The following GALK2 variants were observed in gnomAD, a reference collection of about 807,000 sequenced individuals.
GALK2 encodes the protein galactokinase 2.
GALK2 carries 36 observed loss-of-function variants against 52.4 expected under a neutral mutation model. That is an observed-to-expected ratio of 0.69 (90% confidence interval 0.53 to 0.91). The LOEUF is 0.91. Among genes scored for constraint, GALK2 ranks in the 40% least tolerant of loss-of-function variants. The probability of loss-of-function intolerance (pLI) is 0.00; values close to 1 mark genes in which losing one functional copy is unlikely to be tolerated. For missense variants in GALK2, 579 were observed against 559.1 expected, an observed-to-expected ratio of 1.04 and a Z score of -0.36; for synonymous variants, 176 against 199.1, an observed-to-expected ratio of 0.88 and a Z score of 0.98.
In GALK2 at chr15:49,359,385, T is replaced by G. The variant is rs1272728070; in HGVS notation, c.427-8106T>G. Among the ~76,000 whole-genome samples the G allele has an allele frequency of 2.5e-5, 3 of 118,556 alleles. 1 individual carries two copies. The highest frequency in any genetic ancestry group is 5.5e-5 in the Non-Finnish European group (3 of 54,182). 77.8% of individuals were successfully genotyped at this position (118,556 alleles called of 152,430 possible). ...AGAATCTACAATAAACTCAAACAAATTTACAAGAAAAAAACAAACAACCCC... is the reference window on the plus strand; with the variant it reads ...AGAATCTACAATAAACTCAAACAAAGTTACAAGAAAAAAACAAACAACCCC... On this transcript the variant is annotated intron_variant, in intron 3 of 3. Coordinates refer to the GALK2 transcript ENST00000558399.
chr15:49,283,751 T>G (rs2033023308), intron 7 of GALK2, 33 bp downstream of exon 7: 1 of 1,606,314 alleles, frequency 6.2e-7, no homozygotes, highest in East Asian at 2.2e-5. Context: ...AAACTTGAAG[T>G]AGGGTTTTTC....
In GALK2 at chr15:49,328,634, T is replaced by C; in HGVS notation, c.*475T>C. The C allele has an allele frequency of 3.8e-6, 6 of 1,580,716 alleles. No homozygotes were observed. The highest frequency in any genetic ancestry group is 1.7e-4 in the Middle Eastern group (1 of 6,014). ...ATGGTGATGATGATGATGATGACGATAGTGATGCCACACATTCTCTCTCAA... is the reference window on the plus strand; with the variant it reads ...ATGGTGATGATGATGATGATGACGACAGTGATGCCACACATTCTCTCTCAA... On this transcript the variant is annotated 3_prime_UTR_variant, in exon 10 of 10. Coordinates refer to ENST00000560031, the MANE Select transcript of GALK2 (RefSeq NM_002044.4).
intron 1 of GALK2, among the ~76,000 whole-genome samples, chr15:49,198,341 G>T (rs536479895): frequency 6.6e-6 from 1 of 152,284 alleles, no homozygotes; most frequent in South Asian, 2.1e-4. Context: ...CAGGAACTAA[G>T]ATACAATCAT....
At chr15:49,289,362 T>C (rs2033702817) in intron 7 of GALK2, among the ~76,000 whole-genome samples, 1 of 152,138 alleles carries the variant, frequency 6.6e-6, no homozygotes, top group Admixed American at 6.5e-5. Context: ...ATTGATAGGT[T>C]TTGAGAAGGC....
At chr15:49,221,239 G>A (rs1021477246) in intron 3 of GALK2, among the ~76,000 whole-genome samples, 1 of 151,996 alleles carries the variant, frequency 6.6e-6, no homozygotes, top group East Asian at 1.9e-4. Context: ...AACCTATCTT[G>A]GATTGAATTT....
At chr15:49,214,962 C>A (rs908614496) in intron 2 of GALK2, among the ~76,000 whole-genome samples, 7 of 152,116 alleles carry the variant, frequency 4.6e-5, no homozygotes, top group Non-Finnish European at 7.3e-5. Flanking sequence ...AAGTATTTCT[C>A]TTTCATGTTT....
intron 1 of GALK2, among the ~76,000 whole-genome samples, chr15:49,193,361 G>C (rs2141271203): frequency 6.7e-6 from 1 of 149,270 alleles, no homozygotes; most frequent in African/African-American, 2.5e-5. Flanking sequence ...TTTTTAAGAG[G>C]CTTTTTTTTT....
At chr15:49,344,805 A>G (rs1415542524) in intron 3 of GALK2, among the ~76,000 whole-genome samples, 1 of 152,204 alleles carries the variant, frequency 6.6e-6, no homozygotes, top group Non-Finnish European at 1.5e-5. Flanking sequence ...TCTTCCTGAA[A>G]TGACTGAAAC....
chr15:49,361,215 ACTT>A (rs1352125638), intron 3 of GALK2, among the ~76,000 whole-genome samples: 1 of 152,178 alleles, frequency 6.6e-6, no homozygotes, highest in Non-Finnish European at 1.5e-5. Context: ...AATTTAAAAA[ACTT>A]AAAAAATATT....
intron 5 of GALK2, among the ~76,000 whole-genome samples, chr15:49,261,438 A>G (rs2092104807): frequency 6.6e-6 from 1 of 151,466 alleles, no homozygotes; most frequent in South Asian, 2.1e-4. Context: ...ACTTTGCTGA[A>G]GTTGCTTATC....
At position 49,181,021 on chromosome 15, in the gene GALK2, A is replaced by ATCCTTCCT. The variant is rs138715818; in HGVS notation, c.53+10670_53+10677dup. Among the ~76,000 whole-genome samples, 332 of 124,944 alleles carry ATCCTTCCT rather than the reference A, an allele frequency of 2.7e-3. 4 individuals carry two copies. The highest frequency in any genetic ancestry group is 8.4e-3 in the African/African-American group (288 of 34,280). 82.0% of individuals were successfully genotyped at this position (124,944 alleles called of 152,430 possible). Reference sequence around the variant, plus strand: ...CCTATTTTCCTCTTTTGCTAGACCAATCCTTCCTTCCTTCCTTCCTTCCTT... The same window carrying ATCCTTCCT: ...CCTATTTTCCTCTTTTGCTAGACCAATCCTTCCTTCCTTCCTTCCTTCCTTCCTTCCTT... On this transcript the variant is annotated intron_variant, in intron 1 of 9. Transcript: ENST00000560031.
chr15:49,231,960 A>G (rs1292734198), intron 3 of GALK2, among the ~76,000 whole-genome samples: 2 of 152,144 alleles, frequency 1.3e-5, no homozygotes, highest in African/African-American at 4.8e-5. Flanking sequence ...TGGTTGATCT[A>G]CCATTCTGCA....
intron 2 of GALK2, among the ~76,000 whole-genome samples, chr15:49,205,113 G>A (rs148832858): frequency 6.6e-6 from 1 of 152,264 alleles, no homozygotes; most frequent in East Asian, 1.9e-4. Context: ...GGGCATTTGG[G>A]TTGGTTCCGC....
At chr15:49,174,549 T>C (rs1473372721) in intron 1 of GALK2, among the ~76,000 whole-genome samples, 1 of 152,152 alleles carries the variant, frequency 6.6e-6, no homozygotes, top group Non-Finnish European at 1.5e-5. Context: ...TTTCACTATG[T>C]TGGCCGGGCT....
chr15:49,195,363 G>GCA, intron 1 of GALK2: 3 of 189,264 alleles, frequency 1.6e-5, no homozygotes, highest in Non-Finnish European at 3.4e-5. Context: ...GAGCCACAGT[G>GCA]CCCAGCCCGT....
At chr15:49,367,656 TAAAAAA>T in exon 4 of GALK2, 1 of 1,485,464 alleles carries the variant, frequency 6.7e-7, no homozygotes, top group South Asian at 1.3e-5. Flanking sequence ...TTTGTGTTTC[TAAAAAA>T]CTGTGAATAA....
chr15:49,230,717 G>T (rs753776513), intron 3 of GALK2, among the ~76,000 whole-genome samples: 6 of 152,050 alleles, frequency 3.9e-5, no homozygotes, highest in Non-Finnish European at 7.4e-5. Context: ...ACACACACAG[G>T]GTAGACACTG....
intron 1 of GALK2, among the ~76,000 whole-genome samples, chr15:49,184,933 CCTT>C (rs2086241715): frequency 2.0e-5 from 3 of 152,014 alleles, no homozygotes; most frequent in Non-Finnish European, 4.4e-5. Flanking sequence ...GTGTTTGTGT[CCTT>C]CTTATTACCA....
At chr15:49,354,389 G>T (rs1186372784) in intron 3 of GALK2, among the ~76,000 whole-genome samples, 13 of 152,110 alleles carry the variant, frequency 8.5e-5, no homozygotes, top group African/African-American at 1.7e-4. Flanking sequence ...GTGGGTGCGC[G>T]CACCGTGCGT....
Sources: gnomAD v4.1 joint callset for allele counts (sites outside exome capture counted in the v4.1 genomes callset) on GRCh38, gnomAD v4.1.1 for gene constraint, MANE v1.5 for transcripts, NCBI Gene and HGNC (gene_info 2026-07-23, HGNC 2026-07-21) for gene names.